Variants in ADAMTSL1 observed in about 807,000 individuals in gnomAD.
ADAMTSL1 encodes the protein ADAMTS like 1, also known as ADAMTS-like protein 1.
Under a neutral mutation model 201.8 loss-of-function variants are expected in ADAMTSL1, and 126 were observed. The observed-to-expected ratio is 0.62, with a 90% CI of 0.54 to 0.72. The LOEUF is 0.72. Among genes scored for constraint, ADAMTSL1 ranks in the 30% least tolerant of loss-of-function variants. ADAMTSL1 has a pLI of 0.00. For missense variants in ADAMTSL1, 2,679 were observed against 2,277.8 expected, an observed-to-expected ratio of 1.18 and a Z score of -3.59; for synonymous variants, 1,121 against 903.4, an observed-to-expected ratio of 1.24 and a Z score of -4.32.
chr9:18,664,813 A>G (rs1014365609), intron 9 of ADAMTSL1, among the ~76,000 whole-genome samples: 7 of 152,056 alleles, frequency 4.6e-5, no homozygotes, highest in African/African-American at 1.7e-4. Flanking sequence ...TCACCCACCG[A>G]ATGGGAAGAG....
At chr9:17,915,451 C>T (rs569836684) in intron 1 of ADAMTSL1, among the ~76,000 whole-genome samples, 162 of 152,266 alleles carry the variant, frequency 1.1e-3, no homozygotes, top group African/African-American at 3.7e-3. Flanking sequence ...GTTTGTTGTC[C>T]ATCAGCATTC....
chr9:18,504,838 A>G lies in ADAMTSL1; in HGVS notation c.73A>G (p.Thr25Ala). 1.2e-6 allele frequency: 2 copies of G among 1,614,136 alleles called. No homozygotes were observed. The highest frequency in any genetic ancestry group is 1.1e-5 in the South Asian group (1 of 91,084). Residue 25 changes from threonine to alanine, a missense_variant, in exon 2 of 29, where the codon ACC becomes GCC. Physicochemically the swap from Thr to Ala is moderately conservative, Grantham distance 58. Transcript: ENST00000380548. ...CTTTTGTTTCTCACAGAGTTCCAGGACCGCACGCTCCGAGGAGGACCGGGA... is the reference window on the plus strand; with the variant it reads ...CTTTTGTTTCTCACAGAGTTCCAGGGCCGCACGCTCCGAGGAGGACCGGGA... ...FLAFLLLSSR[T>A]ARSEEDRDGL...
At chr9:18,169,601 C>T (rs112720677) in intron 2 of ADAMTSL1, among the ~76,000 whole-genome samples, 5,296 of 152,100 alleles carry the variant, frequency 0.035, 131 homozygotes, top group Non-Finnish European at 0.057. Context: ...ATTGACTTGG[C>T]GATGCGGGCT....
intron 2 of ADAMTSL1, among the ~76,000 whole-genome samples, chr9:18,181,443 A>C (rs1055504953): frequency 2.2e-4 from 33 of 152,294 alleles, no homozygotes; most frequent in African/African-American, 7.0e-4. Context: ...TTTACAAGAA[A>C]AAAACAAACA....
intron 3 of ADAMTSL1, among the ~76,000 whole-genome samples, chr9:18,539,887 T>C (rs1587502213): frequency 6.6e-6 from 1 of 152,194 alleles, no homozygotes. Flanking sequence ...ATAAATGGAA[T>C]TGTTTGGTAT....
At chr9:18,179,620 C>G (rs1246989668) in intron 2 of ADAMTSL1, among the ~76,000 whole-genome samples, 3 of 152,076 alleles carry the variant, frequency 2.0e-5, no homozygotes, top group Non-Finnish European at 4.4e-5. Context: ...TAAGGGCAGC[C>G]AGAGAGAAAG....
At chr9:18,320,079 G>A (rs1033195418) in intron 2 of ADAMTSL1, among the ~76,000 whole-genome samples, 1 of 152,152 alleles carries the variant, frequency 6.6e-6, no homozygotes, top group African/African-American at 2.4e-5. Context: ...AAGGAGACAG[G>A]GACGTTCATC....
At chr9:18,226,574 T>C (rs1391091613) in intron 2 of ADAMTSL1, among the ~76,000 whole-genome samples, 1 of 152,142 alleles carries the variant, frequency 6.6e-6, no homozygotes, top group Non-Finnish European at 1.5e-5. Context: ...TCAGTTTCAT[T>C]CTTCCTTCTC....
chr9:18,847,294 G>A (rs1460692144), intron 23 of ADAMTSL1, among the ~76,000 whole-genome samples: 1 of 152,158 alleles, frequency 6.6e-6, no homozygotes, highest in African/African-American at 2.4e-5. Flanking sequence ...CTCAAGCTCA[G>A]CCTCAAAGGA....
At chr9:18,148,156 A>G (rs919842291) in intron 1 of ADAMTSL1, among the ~76,000 whole-genome samples, 2 of 152,028 alleles carry the variant, frequency 1.3e-5, no homozygotes, top group African/African-American at 4.8e-5. Flanking sequence ...AACCTGACAA[A>G]CTTTTAGATT....
chr9:18,305,556 C>T (rs952355129), intron 2 of ADAMTSL1, among the ~76,000 whole-genome samples: 10 of 152,174 alleles, frequency 6.6e-5, no homozygotes, highest in African/African-American at 1.9e-4. Context: ...CTTGAGTAGG[C>T]GGTTTTCCCC....
chr9:18,276,512 G>C (rs1014299461), intron 2 of ADAMTSL1, among the ~76,000 whole-genome samples: 2 of 152,150 alleles, frequency 1.3e-5, no homozygotes, highest in African/African-American at 2.4e-5. Context: ...TAACATGTGT[G>C]TTATTCCATT....
intron 3 of ADAMTSL1, among the ~76,000 whole-genome samples, chr9:18,534,946 G>A (rs1408334163): frequency 1.3e-5 from 2 of 152,308 alleles, no homozygotes; most frequent in East Asian, 1.9e-4. Context: ...AGGCCTCTGG[G>A]ACTGAGATGG....
chr9:18,276,171 C>T (rs1475013743), intron 2 of ADAMTSL1, among the ~76,000 whole-genome samples: 1 of 152,000 alleles, frequency 6.6e-6, no homozygotes, highest in African/African-American at 2.4e-5. Flanking sequence ...AGACCTATCA[C>T]CCCTGCCCCT....
chr9:17,956,781 A>T (rs1827948830), intron 1 of ADAMTSL1, among the ~76,000 whole-genome samples: 1 of 152,178 alleles, frequency 6.6e-6, no homozygotes, highest in Non-Finnish European at 1.5e-5. Context: ...TCTGACTCAG[A>T]TGTATAAGAA....
rs191114589 is a variant in ADAMTSL1 at position 18,628,560 on chromosome 9, G to A, written c.601+6191G>A. On this transcript the variant is annotated intron_variant, in intron 5 of 28. Transcript: ENST00000380548. ...AAATTCATTTTGGCTATTCTATTCTGGGTCTTTGTCTTTCCATATAAATTT... is the reference window on the plus strand; with the variant it reads ...AAATTCATTTTGGCTATTCTATTCTAGGTCTTTGTCTTTCCATATAAATTT... Among the ~76,000 whole-genome samples, 40 of 152,078 alleles carry A rather than the reference G, an allele frequency of 2.6e-4. 1 individual carries two copies. The highest frequency in any genetic ancestry group is 1.8e-3 in the Admixed American group (28 of 15,284).
In ADAMTSL1 at chr9:18,676,045, A is replaced by T. The variant is rs549665475; in HGVS notation, c.1136+138A>T. The T allele has an allele frequency of 1.9e-5, 16 of 844,796 alleles. No homozygotes were observed. In the African/African-American group the frequency reaches 2.4e-4, roughly 13 times the overall value. The allele number at this position is 844,796 out of a possible 1,614,324, so 52.3% of individuals were successfully genotyped here. ...TGGTAGATGGTATATTTTGCAATCC[A>T]TCCTGAGTTCTGCTTTTGAATAATA... On this transcript the variant is annotated intron_variant, in intron 10 of 28. Coordinates refer to ENST00000380548, the MANE Select transcript of ADAMTSL1 (RefSeq NM_001040272.6).
chr9:18,539,463 C>G (rs139507113), intron 3 of ADAMTSL1, among the ~76,000 whole-genome samples: 23 of 152,306 alleles, frequency 1.5e-4, no homozygotes, highest in Admixed American at 4.6e-4. Flanking sequence ...GACACCATGC[C>G]TCTTGCACTG....
At chr9:18,026,587 T>G (rs1820705508) in intron 1 of ADAMTSL1, among the ~76,000 whole-genome samples, 1 of 152,106 alleles carries the variant, frequency 6.6e-6, no homozygotes, top group Non-Finnish European at 1.5e-5. Context: ...ACTTTTGATG[T>G]GCTGCTGGAT....
Sources: gnomAD v4.1 joint callset for allele counts (sites outside exome capture counted in the v4.1 genomes callset) on GRCh38, gnomAD v4.1.1 for gene constraint, MANE v1.5 for transcripts, NCBI Gene and HGNC (gene_info 2026-07-23, HGNC 2026-07-21) for gene names.